ARHGEF28: variants seen among roughly 807,000 people sequenced by gnomAD.
ARHGEF28 encodes the protein 190 kDa guanine nucleotide exchange factor.
In ARHGEF28, 152 loss-of-function variants were observed where a neutral mutation model predicts 206.6. The observed-to-expected ratio is 0.74, with a 90% CI of 0.64 to 0.84. The LOEUF (loss-of-function observed/expected upper bound fraction) is 0.84, where lower values mean the gene tolerates loss of function less well. Ranked by LOEUF, ARHGEF28 falls within the 40% of genes least tolerant of loss-of-function variation. The pLI is 0.00. For missense variants in ARHGEF28, 2,028 were observed against 2,073.2 expected, an observed-to-expected ratio of 0.98 and a Z score of 0.42; for synonymous variants, 763 against 776.4, an observed-to-expected ratio of 0.98 and a Z score of 0.29.
intron 9 of ARHGEF28, among the ~76,000 whole-genome samples, chr5:73,829,307 C>T (rs1333667473): frequency 6.6e-6 from 1 of 152,218 alleles, no homozygotes; most frequent in Non-Finnish European, 1.5e-5. Context: ...TTGAATCCTT[C>T]AGAATCTCCC....
chr5:73,752,234 G>A (rs1019177949), intron 3 of ARHGEF28, among the ~76,000 whole-genome samples: 4 of 152,142 alleles, frequency 2.6e-5, no homozygotes, highest in African/African-American at 9.7e-5. Context: ...AGAGAGTGGG[G>A]CAAAGAAGAG....
chr5:73,687,858 T>C (rs1747569356), intron 2 of ARHGEF28, among the ~76,000 whole-genome samples: 1 of 152,192 alleles, frequency 6.6e-6, no homozygotes, highest in Admixed American at 6.5e-5. Context: ...TCCAGAGTTT[T>C]ATCTATATCT....
At chr5:73,654,711 A>G (rs4703608) in intron 1 of ARHGEF28, among the ~76,000 whole-genome samples, 112,264 of 152,128 alleles carry the variant, frequency 0.74, 41,513 homozygotes, top group East Asian at 0.83. Flanking sequence ...AAATGCTGCC[A>G]GAATGAACTC....
rs74654469 is a variant in ARHGEF28 at position 73,884,065 on chromosome 5, T to C, written c.3055+181T>C. ...AGAAATTATCTTTTATAATGCAGCA[T>C]GGGTAAATAGTCTGAATTTCTACAG... On this transcript the variant is annotated intron_variant, in intron 24 of 35. Coordinates refer to ENST00000513042, the MANE Select transcript of ARHGEF28 (RefSeq NM_001177693.2). 2.7e-3 allele frequency among the ~76,000 whole-genome samples: 412 copies of C among 152,328 alleles called. 12 individuals are homozygous for C. The East Asian group carries it at 0.071, about 26-fold the overall frequency.
rs1261217080 is a variant in ARHGEF28, at chr5:73,882,602, T to C, written c.2937+8T>C. The C allele has an allele frequency of 6.8e-7, 1 of 1,472,162 alleles. No homozygotes were observed. The allele number at this position is 1,472,162 out of a possible 1,614,324, so 91.2% of individuals were successfully genotyped here. On this transcript the variant is annotated splice_region_variant and intron_variant, in intron 23 of 35. Coordinates refer to ENST00000513042, the MANE Select transcript of ARHGEF28 (RefSeq NM_001177693.2). The stretch of plus-strand genomic sequence containing the variant: ...TTTCAGAATTTTATTAAGGCAAGTA[T>C]TTTAAAACTTTATTACAAAGTGATA...
intron 16 of ARHGEF28, among the ~76,000 whole-genome samples, chr5:73,863,712 C>G (rs1186158810): frequency 6.6e-6 from 1 of 151,296 alleles, no homozygotes; most frequent in South Asian, 2.1e-4. Context: ...GTGGTTGCTT[C>G]TTCTGGTGGG....
intron 1 of ARHGEF28, among the ~76,000 whole-genome samples, chr5:73,673,896 C>T (rs986505543): frequency 6.6e-6 from 1 of 151,582 alleles, no homozygotes; most frequent in African/African-American, 2.4e-5. Flanking sequence ...TACTGTAGGC[C>T]GGGGCAGTGG....
intron 4 of ARHGEF28, among the ~76,000 whole-genome samples, chr5:73,766,529 ATTTTGCTAACCACTTATTAATT>A: frequency 6.6e-6 from 1 of 152,180 alleles, no homozygotes; most frequent in Non-Finnish European, 1.5e-5. Flanking sequence ...ATAGGTTTGT[ATTTTGCTAACCACTTATTAATT>A]TAAATTAGCA....
intron 2 of ARHGEF28, among the ~76,000 whole-genome samples, chr5:73,734,865 C>T (rs1224658424): frequency 6.6e-6 from 1 of 152,066 alleles, no homozygotes; most frequent in Non-Finnish European, 1.5e-5. Flanking sequence ...AGAGGACTTT[C>T]ATTTATAAAA....
chr5:73,645,105 T>C (rs1335138489), intron 1 of ARHGEF28, among the ~76,000 whole-genome samples: 1 of 152,228 alleles, frequency 6.6e-6, no homozygotes, highest in Non-Finnish European at 1.5e-5. Flanking sequence ...TTTAAATATC[T>C]GGAAATTGGA....
intron 12 of ARHGEF28, among the ~76,000 whole-genome samples, chr5:73,847,568 T>G (rs1462386051): frequency 6.6e-6 from 1 of 152,226 alleles, no homozygotes; most frequent in Non-Finnish European, 1.5e-5. Context: ...ATGTAGATAC[T>G]TCTTAGTTTT....
In ARHGEF28 at chr5:73,726,553, G is replaced by A. The variant is rs140806277; in HGVS notation, c.34-23284G>A. On this transcript the variant is annotated intron_variant, in intron 2 of 35. Transcript: ENST00000513042. ...GGCCCACAAATAGGTAAATTAGTTC[G>A]GTGCAAAAGTGTATCAATACAGTAT... Among the ~76,000 whole-genome samples, 511 of 152,170 alleles carry A rather than the reference G, an allele frequency of 3.4e-3. 3 individuals are homozygous for A. Among genetic ancestry groups the A allele is most frequent in the African/African-American group, 0.012 (480 of 41,508 alleles).
intron 2 of ARHGEF28, among the ~76,000 whole-genome samples, chr5:73,709,805 G>T (rs562574705): frequency 9.2e-5 from 14 of 152,292 alleles, no homozygotes; most frequent in African/African-American, 2.9e-4. Context: ...GTCATGACCC[G>T]CATTCTTTCG....
chr5:73,818,546 T>TGTCA (rs1476887250), intron 9 of ARHGEF28, among the ~76,000 whole-genome samples: 1 of 152,274 alleles, frequency 6.6e-6, no homozygotes, highest in African/African-American at 2.4e-5. Context: ...GGAAACATTT[T>TGTCA]TCTAAAGGTG....
At chr5:73,843,897 A>G (rs1350137264) in intron 11 of ARHGEF28, among the ~76,000 whole-genome samples, 2 of 152,334 alleles carry the variant, frequency 1.3e-5, no homozygotes, top group East Asian at 3.9e-4. Flanking sequence ...TGCATGTCAC[A>G]CCATGAACGT....
chr5:73,705,680 C>T (rs1000512391), intron 2 of ARHGEF28, among the ~76,000 whole-genome samples: 5 of 152,180 alleles, frequency 3.3e-5, no homozygotes, highest in African/African-American at 1.2e-4. Flanking sequence ...TAAGGGCAGC[C>T]TGCTGAAGGA....
intron 30 of ARHGEF28, 85 bp from the exon 31 acceptor site, chr5:73,901,099 T>C: frequency 1.0e-6 from 1 of 982,874 alleles, no homozygotes; most frequent in South Asian, 1.4e-5. Flanking sequence ...TTGAAATATG[T>C]GTTGGCCGTG....
chr5:73,838,589 C>G (rs545490642), intron 10 of ARHGEF28, among the ~76,000 whole-genome samples: 10 of 152,262 alleles, frequency 6.6e-5, no homozygotes, highest in African/African-American at 2.4e-4. Context: ...TCAAATTCCT[C>G]AAATGGTAAT....
Position 73,867,939 on chromosome 5 carries a change from T to C in ARHGEF28, c.2216T>C (p.Val739Ala). ...TTGCACCCTTCTTCCTCCGTGCCTG[T>C]TGGATTGCCGACTGGAAGGAGGGAG... Reference protein sequence around the residue: ...LSLHPSSSVPVGLPTGRRETV... With the variant: ...LSLHPSSSVPAGLPTGRRETV... Residue 739 changes from valine (V) to alanine (A), a missense_variant, in exon 19 of 36, where the codon GTT (valine) becomes GCT (alanine). By Grantham distance (64) the Val-to-Ala change is moderately conservative (BLOSUM62 0). Around this residue, in one of 3 missense-constraint regions of ARHGEF28, gnomAD observed 1,002 missense variants for 1,015.3 expected, o/e 0.99. Transcript: ENST00000513042. The C allele has an allele frequency of 1.2e-6, 2 of 1,613,992 alleles. No individual in the cohort carries two copies. Among genetic ancestry groups the C allele is most frequent in the South Asian group, 2.2e-5 (2 of 91,080 alleles).
Sources: gnomAD v4.1 joint callset for allele counts (sites outside exome capture counted in the v4.1 genomes callset) on GRCh38, gnomAD v4.1.1 for gene constraint, gnomAD v4.1.1 regional missense constraint, MANE v1.5 for transcripts, NCBI Gene and HGNC (gene_info 2026-07-23, HGNC 2026-07-21) for gene names.